IP6K3: variants seen among roughly 807,000 people sequenced by gnomAD.
IP6K3 encodes the protein inositol hexakisphosphate kinase 3.
IP6K3 carries 20 observed loss-of-function variants against 28.8 expected under a neutral mutation model. That is an observed-to-expected ratio of 0.70 (90% CI 0.49 to 1.01). The LOEUF is 1.01. Among genes scored for constraint, IP6K3 ranks in the 50% least tolerant of loss-of-function variants. The probability of loss-of-function intolerance (pLI) is 0.00; values close to 1 mark genes in which losing one functional copy is unlikely to be tolerated. For synonymous variants in IP6K3, 213 were observed against 221.3 expected, an observed-to-expected ratio of 0.96 and a Z score of 0.33; for missense variants, 480 against 537.1, an observed-to-expected ratio of 0.89 and a Z score of 1.05.
At chr6:33,760,472 T>A in the IP6K3 span, among the ~76,000 whole-genome samples, 1 of 150,880 alleles carries the variant, frequency 6.6e-6, no homozygotes, top group South Asian at 2.1e-4. Flanking sequence ...GGGGCGTGAG[T>A]CTGTTCACTC....
In IP6K3 at chr6:33,742,619, C is replaced by T. The variant is rs781603706; in HGVS notation, c.-180+4139G>A. 3.0e-4 allele frequency among the ~76,000 whole-genome samples: 45 copies of T among 152,098 alleles called. No homozygotes were observed. The highest frequency in any genetic ancestry group is 5.1e-4 in the Non-Finnish European group (35 of 68,024). ...GTAGGAAAGTAATCCCCTAGAGGCA[C>T]GATAATTCTCAAATGTATGTAAATA... On this transcript the variant is annotated intron_variant, in intron 1 of 5. Transcript: ENST00000293756. The surrounding 1 kb of genome is among the most constrained non-coding windows in gnomAD (Gnocchi z 4.5).
intron 2 of IP6K3, among the ~76,000 whole-genome samples, chr6:33,728,678 G>A (rs1387400365): frequency 6.6e-6 from 1 of 152,230 alleles, no homozygotes; most frequent in Non-Finnish European, 1.5e-5. Flanking sequence ...CCTGACCTGG[G>A]GGCATTGGAG....
upstream of IP6K3, among the ~76,000 whole-genome samples, chr6:33,747,341 C>T (rs1342044638): frequency 6.6e-6 from 1 of 152,186 alleles, no homozygotes; most frequent in African/African-American, 2.4e-5. This position sits in a 1 kb window ranked among gnomAD's most constrained non-coding sequence, Gnocchi z 5.2. Flanking sequence ...GGCGGCAAGA[C>T]GTTCCATCAG....
intron 1 of IP6K3, among the ~76,000 whole-genome samples, chr6:33,736,594 CAG>C (rs1340094533): frequency 6.6e-6 from 1 of 152,078 alleles, no homozygotes; most frequent in Non-Finnish European, 1.5e-5. Flanking sequence ...TTAGTAGAGA[CAG>C]GGTTTCGCCA....
chr6:33,730,341 C>A (rs1175831375), intron 2 of IP6K3, among the ~76,000 whole-genome samples: 1 of 152,196 alleles, frequency 6.6e-6, no homozygotes, highest in African/African-American at 2.4e-5. Flanking sequence ...CTGGGCCAGT[C>A]CTGTCATCTC....
intron 2 of IP6K3, 43 bp downstream of exon 2, chr6:33,735,235 G>C (rs766385243): frequency 1.9e-6 from 3 of 1,554,428 alleles, no homozygotes; most frequent in Non-Finnish European, 2.6e-6. Flanking sequence ...GCCGGCCCCC[G>C]TGTGGCAGCA....
rs1436816825 is a variant in IP6K3, at chr6:33,742,018, C to A, written c.-180+4740G>T. Among the ~76,000 whole-genome samples the A allele has an allele frequency of 6.6e-6, 1 of 151,668 alleles. No individual in the cohort carries two copies. Among genetic ancestry groups the A allele is most frequent in the Non-Finnish European group, 1.5e-5 (1 of 67,962 alleles). ...AGCAACTTCACTTGAGTCAGGTACT[C>A]AAATAGTTCATTGCACAAACATATC... On this transcript the variant is annotated intron_variant, in intron 1 of 5. Coordinates refer to ENST00000293756, the MANE Select transcript of IP6K3 (RefSeq NM_054111.5). This position sits in a 1 kb window ranked among gnomAD's most constrained non-coding sequence, Gnocchi z 4.5.
the IP6K3 span, among the ~76,000 whole-genome samples, chr6:33,758,329 A>C: frequency 6.6e-6 from 1 of 152,102 alleles, no homozygotes; most frequent in East Asian, 1.9e-4. Context: ...AGCCTGGGCA[A>C]TTTAGGGAGA....
rs11403411 is a variant in IP6K3, at chr6:33,741,645, CAAAAAAAAAAAAAA to C, written c.-180+5099_-180+5112del. ...TGGGCAACAGAGCGAGACTCCATCT[CAAAAAAAAAAAAAA>C]AAAAAAAAAAAGCCGGGCACAGTGG... On this transcript the variant is annotated intron_variant, in intron 1 of 5. Coordinates refer to ENST00000293756, the MANE Select transcript of IP6K3 (RefSeq NM_054111.5). Among the ~76,000 whole-genome samples the C allele has an allele frequency of 1.0e-4, 3 of 29,376 alleles. No individual in the cohort carries two copies. In the East Asian group the frequency reaches 4.1e-3, roughly 40 times the overall value. 19.3% of individuals were successfully genotyped at this position (29,376 alleles called of 152,430 possible). A position where few individuals can be genotyped will look rare whatever the true frequency, so the allele number is the denominator to read the frequency against.
the IP6K3 span, among the ~76,000 whole-genome samples, chr6:33,757,537 G>A: frequency 6.6e-6 from 1 of 152,216 alleles, no homozygotes; most frequent in Non-Finnish European, 1.5e-5. Flanking sequence ...TTTGAGGGTA[G>A]AGGATTGTCT....
chr6:33,747,347 A>G (rs1265803850), upstream of IP6K3, among the ~76,000 whole-genome samples: 1 of 152,192 alleles, frequency 6.6e-6, no homozygotes, highest in Non-Finnish European at 1.5e-5. This position sits in a 1 kb window ranked among gnomAD's most constrained non-coding sequence, Gnocchi z 5.2. Flanking sequence ...AAGACGTTCC[A>G]TCAGTCAACA....
intron 1 of IP6K3, among the ~76,000 whole-genome samples, chr6:33,738,878 A>G (rs1582221229): frequency 6.6e-6 from 1 of 152,218 alleles, no homozygotes; most frequent in East Asian, 1.9e-4. Flanking sequence ...ATCCCACTTG[A>G]TGACATTCAG....
intron 4 of IP6K3, among the ~76,000 whole-genome samples, chr6:33,726,390 C>T (rs1311168053): frequency 6.6e-6 from 1 of 152,216 alleles, no homozygotes; most frequent in East Asian, 1.9e-4. Flanking sequence ...CCCCACGCAA[C>T]ATGGCATTCC....
chr6:33,761,051 G>A, the IP6K3 span, among the ~76,000 whole-genome samples: 7 of 152,048 alleles, frequency 4.6e-5, no homozygotes, highest in Admixed American at 1.3e-4. Context: ...AATCTTTAAC[G>A]GTGGGATTTC....
chr6:33,751,907 G>A, the IP6K3 span, among the ~76,000 whole-genome samples: 1 of 152,214 alleles, frequency 6.6e-6, no homozygotes. This position sits in a 1 kb window ranked among gnomAD's most constrained non-coding sequence, Gnocchi z 4.3. Context: ...GGAGATGACT[G>A]CCCCTGCATG....
chr6:33,745,465 T>C (rs1766873476), intron 1 of IP6K3, among the ~76,000 whole-genome samples: 1 of 152,042 alleles, frequency 6.6e-6, no homozygotes, highest in Non-Finnish European at 1.5e-5. Flanking sequence ...AGCTTCCCTA[T>C]CTGTACTGAG....
At position 33,742,296 on chromosome 6, in the gene IP6K3, C is replaced by T. The variant is rs1303906741; in HGVS notation, c.-180+4462G>A. Among the ~76,000 whole-genome samples the T allele has an allele frequency of 6.6e-6, 1 of 152,178 alleles. No homozygotes were observed. The highest frequency in any genetic ancestry group is 1.5e-5 in the Non-Finnish European group (1 of 68,038). On this transcript the variant is annotated intron_variant, in intron 1 of 5. Transcript: ENST00000293756. This position sits in a 1 kb window ranked among gnomAD's most constrained non-coding sequence, Gnocchi z 4.5. Reference sequence around the variant, plus strand: ...GGGAGTGGCTGCTGAGTTGCTCTGGCTGTCTCTGGGAGTCTCGGAGACCCA... The same window carrying T: ...GGGAGTGGCTGCTGAGTTGCTCTGGTTGTCTCTGGGAGTCTCGGAGACCCA...
intron 2 of IP6K3, among the ~76,000 whole-genome samples, chr6:33,728,646 C>T (rs1443224296): frequency 2.0e-5 from 3 of 152,356 alleles, no homozygotes; most frequent in East Asian, 1.9e-4. Flanking sequence ...CTCCCAGTCA[C>T]ACCACAGCCA....
chr6:33,755,434 G>C, the IP6K3 span, among the ~76,000 whole-genome samples: 2 of 152,246 alleles, frequency 1.3e-5, no homozygotes, highest in Non-Finnish European at 2.9e-5. Context: ...GGAGAGTGTG[G>C]GGGCAGGGTT....
Sources: allele counts gnomAD v4.1 joint callset (sites outside exome capture counted in the v4.1 genomes callset), GRCh38; gene constraint gnomAD v4.1.1; non-coding constraint Gnocchi (gnomAD v3.1); transcripts MANE v1.5; gene names NCBI Gene and HGNC (gene_info 2026-07-23, HGNC 2026-07-21).